The following SON variants were observed in gnomAD, a reference collection of about 807,000 sequenced individuals.
SON encodes SON DNA and RNA binding protein.
In SON, 4 loss-of-function variants were observed where a neutral mutation model predicts 173.3. The observed-to-expected ratio is 0.02, with a 90% CI of 0.01 to 0.05. The LOEUF is 0.05. Among genes scored for constraint, SON ranks in the 10% least tolerant of loss-of-function variants. The pLI, the probability that SON is intolerant of heterozygous loss-of-function variation, is 1.00. For missense variants in SON, 2,626 were observed against 3,055.3 expected (o/e 0.86, Z 3.31); for synonymous variants, 1,190 against 1,105.9 (o/e 1.08, Z -1.51).
chr21:33,563,998 A>G (rs1342567572), intron 6 of SON, among the ~76,000 whole-genome samples: 1 of 152,200 alleles, frequency 6.6e-6, no homozygotes, highest in African/African-American at 2.4e-5. Context: ...CCATTATCAT[A>G]CCTAGAATAT....
intron 3 of SON, among the ~76,000 whole-genome samples, chr21:33,556,012 C>T (rs1660906570): frequency 6.6e-6 from 1 of 152,050 alleles, no homozygotes; most frequent in African/African-American, 2.4e-5. Context: ...TCTAATTTCC[C>T]CTGATTTTTA....
At chr21:33,565,241 T>C (rs1228842453) in intron 6 of SON, among the ~76,000 whole-genome samples, 1 of 152,248 alleles carries the variant, frequency 6.6e-6, no homozygotes, top group African/African-American at 2.4e-5. Context: ...GATGAGTAGC[T>C]AATTTATAGT....
In SON at chr21:33,550,096, A is replaced by G; in HGVS notation, c.865A>G (p.Ile289Val). The G allele has an allele frequency of 6.2e-7, 1 of 1,614,146 alleles. No homozygotes were observed. The highest frequency in any genetic ancestry group is 8.5e-7 in the Non-Finnish European group (1 of 1,180,030). The change falls in exon 3 of 12, where the codon ATC becomes GTC. Residue 289 changes from isoleucine to valine, a missense_variant. Ile to Val is a conservative substitution (Grantham distance 29). This residue lies in a region of SON where 757 missense variants were observed against 730.1 expected (regional missense o/e 1.04). Coordinates refer to ENST00000356577, the MANE Select transcript of SON (RefSeq NM_138927.4). ...GAGCACATCTCCAGAGCCATCAAAG[A>G]TCATGTTGGTAGAGCCCCCAGTAGC... ...VESTSPEPSK[I>V]MLVEPPVAKV...
chr21:33,576,001 T>G (rs1438509917), intron 11 of SON, 108 bp downstream of exon 11: 9 of 587,712 alleles, frequency 1.5e-5, no homozygotes, highest in Non-Finnish European at 2.6e-5. Flanking sequence ...GGGTGGGGGG[T>G]TTGTATTTGT....
rs1334453168 is a variant in SON, at chr21:33,551,296, C to G, written c.2065C>G (p.Gln689Glu). 1.9e-6 allele frequency: 3 copies of G among 1,614,124 alleles called. No homozygotes were observed. The highest frequency in any genetic ancestry group is 2.5e-6 in the Non-Finnish European group (3 of 1,179,990). The part of the protein sequence containing the change: ...TALESYNTVA[Q>E]ELPTTLVGET... ...GCTGGAATCCTATAATACGGTAGCA[C>G]AGGAGCTGCCTACTACATTAGTGGG... Residue 689 changes from glutamine (Q) to glutamate (E), a missense_variant, in exon 3 of 12, where the codon CAG becomes GAG. Physicochemically the swap from Gln to Glu is conservative, Grantham distance 29. This residue lies in a region of SON where 182 missense variants were observed against 193.6 expected (regional missense o/e 0.94). Transcript: ENST00000356577.
Position 33,554,246 on chromosome 21 carries a change from A to C in SON, c.5015A>C (p.Asn1672Thr). 1 of 1,614,174 alleles carries C rather than the reference A, an allele frequency of 6.2e-7. No individual in the cohort carries two copies. The highest frequency in any genetic ancestry group is 1.1e-5 in the South Asian group (1 of 91,082). Residue 1672 changes from asparagine (N) to threonine (T), a missense_variant, in exon 3 of 12, where the codon AAT (asparagine) becomes ACT (threonine). This residue lies in a region of SON where 1,006 missense variants were observed against 895.6 expected (regional missense o/e 1.12). Transcript: ENST00000356577. ...KDIHLDLPSNNNLVSKDTEEP... is the reference protein window; with the variant it reads ...KDIHLDLPSNTNLVSKDTEEP... ...ATTCATCTTGATTTACCATCTAATAATAACCTTGTTAGTAAGGATACAGAA... is the reference window on the plus strand; with the variant it reads ...ATTCATCTTGATTTACCATCTAATACTAACCTTGTTAGTAAGGATACAGAA...
rs767171313 is a variant in SON at position 33,552,977 on chromosome 21, C to A, written c.3746C>A (p.Pro1249Gln). 1.2e-5 allele frequency: 20 copies of A among 1,614,178 alleles called. No homozygotes were observed. Among genetic ancestry groups the A allele is most frequent in the Non-Finnish European group, 1.6e-5 (19 of 1,180,036 alleles). Reference sequence around the variant, plus strand: ...GTATCAGAGGCTGCTGTGACTGTTCCAGAACCACCACCAGAGCCAGAATCT... The same window carrying A: ...GTATCAGAGGCTGCTGTGACTGTTCAAGAACCACCACCAGAGCCAGAATCT... Reference protein sequence around the residue: ...VLVSEAAVTVPEPPPEPESSI... With the variant: ...VLVSEAAVTVQEPPPEPESSI... Residue 1249 changes from proline to glutamine, a missense_variant, in exon 3 of 12, where the codon CCA becomes CAA. Pro to Gln is a moderately conservative substitution (Grantham distance 76, BLOSUM62 -1). Coordinates refer to ENST00000356577, the MANE Select transcript of SON (RefSeq NM_138927.4). This position sits in a 1 kb window ranked among gnomAD's most constrained non-coding sequence, Gnocchi z 5.6.
intron 6 of SON, among the ~76,000 whole-genome samples, chr21:33,566,234 TA>T (rs2086168663): frequency 1.3e-5 from 2 of 151,898 alleles, no homozygotes; most frequent in African/African-American, 2.4e-5. Context: ...AACTAGGAAA[TA>T]ATAATAATGT....
intron 6 of SON, among the ~76,000 whole-genome samples, chr21:33,565,146 G>A (rs868468699): frequency 3.9e-5 from 6 of 152,120 alleles, no homozygotes; most frequent in African/African-American, 1.4e-4. Context: ...TAAGAGAGAA[G>A]AACATTCGCA....
In SON at chr21:33,554,618, T is replaced by G; in HGVS notation, c.5387T>G (p.Val1796Gly). Residue 1796 changes from valine to glycine, a missense_variant, in exon 3 of 12, where the codon GTT becomes GGT. This residue lies in a region of SON where 1,006 missense variants were observed against 895.6 expected (regional missense o/e 1.12). Transcript: ENST00000356577. The stretch of plus-strand genomic sequence containing the variant: ...GATGATTATGAAATTTTTGTAAAAG[T>G]TAAGGACACTCACGAAAAAAGCAAG... ...EKDDYEIFVKVKDTHEKSKKN... is the reference protein window; with the variant it reads ...EKDDYEIFVKGKDTHEKSKKN... 1 of 1,613,694 alleles carries G rather than the reference T, an allele frequency of 6.2e-7. No individual in the cohort carries two copies. The highest frequency in any genetic ancestry group is 8.5e-7 in the Non-Finnish European group (1 of 1,179,958).
At position 33,575,542 on chromosome 21, in the gene SON, T is replaced by A. The variant is rs1005928174; in HGVS notation, c.7034-54T>A. 1.0e-5 allele frequency: 14 copies of A among 1,387,098 alleles called. No homozygotes were observed. In the African/African-American group the frequency reaches 2.0e-4, roughly 20 times the overall value. The allele number at this position is 1,387,098 out of a possible 1,614,324, so 85.9% of individuals were successfully genotyped here. ...AGGTTCAGACTCCTACAGAGGGATC[T>A]TTGTTTTAAAGTGGTGCTTTGAAAT... On this transcript the variant is annotated intron_variant, in intron 9 of 11. Transcript: ENST00000356577.
chr21:33,572,717 C>A, intron 8 of SON: 1 of 613,006 alleles, frequency 1.6e-6, no homozygotes, highest in South Asian at 1.6e-5. Context: ...GGCATACTTA[C>A]AGGATATTTT....
rs951706069 is a variant in SON at position 33,552,690 on chromosome 21, G to T, written c.3459G>T (p.Glu1153Asp). Residue 1153 changes from glutamate to aspartate, a missense_variant, in exon 3 of 12, where the codon GAG becomes GAT. Around this residue, in one of 13 missense-constraint regions of SON, gnomAD observed 366 missense variants for 448.6 expected, o/e 0.82. Transcript: ENST00000356577. This position sits in a 1 kb window ranked among gnomAD's most constrained non-coding sequence, Gnocchi z 5.6. Reference sequence around the variant, plus strand: ...TGGTGCCACCTTTGCCTCCTGAAGAGCCCCCAACAATGCCACCGTTGCCAC... The same window carrying T: ...TGGTGCCACCTTTGCCTCCTGAAGATCCCCCAACAATGCCACCGTTGCCAC... ...AYMVPPLPPE[E>D]PPTMPPLPPE... 4.3e-6 allele frequency: 7 copies of T among 1,613,986 alleles called. No individual in the cohort carries two copies. The highest frequency in any genetic ancestry group is 5.9e-6 in the Non-Finnish European group (7 of 1,179,978).
At chr21:33,571,011 T>TCAAG (rs2086272147) in intron 8 of SON, among the ~76,000 whole-genome samples, 1 of 52,608 alleles carries the variant, frequency 1.9e-5, no homozygotes, top group Non-Finnish European at 3.3e-5. Context: ...TTAACAGACT[T>TCAAG]TAATAACTTT....
rs1208289441 is a variant in SON at position 33,550,106 on chromosome 21, T to C, written c.875T>C (p.Val292Ala). 1.4e-5 allele frequency: 23 copies of C among 1,614,024 alleles called. No individual in the cohort carries two copies. The highest frequency in any genetic ancestry group is 1.8e-5 in the Non-Finnish European group (21 of 1,180,046). Residue 292 changes from valine to alanine, a missense_variant, in exon 3 of 12, where the codon GTA (valine) becomes GCA (alanine). Coordinates refer to ENST00000356577, the MANE Select transcript of SON (RefSeq NM_138927.4). ...CCAGAGCCATCAAAGATCATGTTGG[T>C]AGAGCCCCCAGTAGCAAAAGTGTTA... ...TSPEPSKIMLVEPPVAKVLEP... is the reference protein window; with the variant it reads ...TSPEPSKIMLAEPPVAKVLEP...
chr21:33,554,363 C>G lies in SON; in HGVS notation c.5132C>G (p.Pro1711Arg). 1 of 1,614,148 alleles carries G rather than the reference C, an allele frequency of 6.2e-7. No individual in the cohort carries two copies. Among genetic ancestry groups the G allele is most frequent in the South Asian group, 1.1e-5 (1 of 91,084 alleles). The part of the protein sequence containing the change: ...SSGGEKEVPP[P>R]PKETLPDSGF... ...GGAGGAGAAAAAGAAGTACCTCCCC[C>G]TCCTAAAGAGACACTGCCTGATTCA... is the stretch of plus-strand genomic sequence containing the variant. The change falls in exon 3 of 12, where the codon CCT becomes CGT. Residue 1711 changes from proline to arginine, a missense_variant. Pro to Arg is a moderately radical substitution (Grantham distance 103). This residue lies in a region of SON where 1,006 missense variants were observed against 895.6 expected (regional missense o/e 1.12). Transcript: ENST00000356577.
In SON at chr21:33,550,754, T is replaced by C; in HGVS notation, c.1523T>C (p.Val508Ala). The C allele has an allele frequency of 6.2e-7, 1 of 1,614,120 alleles. No homozygotes were observed. The highest frequency in any genetic ancestry group is 8.5e-7 in the Non-Finnish European group (1 of 1,180,006). Reference protein sequence around the residue: ...TVAMELTEQPVTTTELEQPVG... With the variant: ...TVAMELTEQPATTTELEQPVG... The stretch of plus-strand genomic sequence containing the variant: ...GCAATGGAGTTGACCGAACAACCTG[T>C]GACGACGACAGAGTTGGAGCAGCCT... The change falls in exon 3 of 12, where the codon GTG (valine) becomes GCG (alanine). Residue 508 changes from valine to alanine, a missense_variant. By Grantham distance (64) the Val-to-Ala change is moderately conservative. This residue lies in a region of SON where 757 missense variants were observed against 730.1 expected (regional missense o/e 1.04). Coordinates refer to ENST00000356577, the MANE Select transcript of SON (RefSeq NM_138927.4).
chr21:33,554,319 C>G lies in SON; in HGVS notation c.5088C>G (p.Leu1696=). The change falls in exon 3 of 12, where the codon CTC becomes CTG. Residue 1696 remains leucine, a synonymous_variant. Transcript: ENST00000356577. ...KESDQTLAAL[L]SPKESSGGEK... is the part of the protein sequence containing the mutation. ...GTGACCAGACATTAGCAGCTCTGCTCAGCCCTAAAGAAAGTAGTGGAGGAG... is the reference window on the plus strand; with the variant it reads ...GTGACCAGACATTAGCAGCTCTGCTGAGCCCTAAAGAAAGTAGTGGAGGAG... The G allele has an allele frequency of 6.2e-7, 1 of 1,614,166 alleles. No homozygotes were observed. The highest frequency in any genetic ancestry group is 8.5e-7 in the Non-Finnish European group (1 of 1,180,028).
intron 4 of SON, chr21:33,557,798 G>C (rs1278500204): frequency 9.1e-7 from 1 of 1,100,622 alleles, no homozygotes; most frequent in Admixed American, 3.4e-5. Flanking sequence ...AACATTTCGG[G>C]TTTTGGCTGT....
Sources: gnomAD v4.1 joint callset for allele counts (sites outside exome capture counted in the v4.1 genomes callset) on GRCh38, gnomAD v4.1.1 for gene constraint, gnomAD v4.1.1 regional missense constraint, Gnocchi (gnomAD v3.1) non-coding constraint, MANE v1.5 for transcripts, NCBI Gene and HGNC (gene_info 2026-07-23, HGNC 2026-07-21) for gene names.